Variants in CAST observed in about 807,000 individuals in gnomAD.
CAST encodes MIR583 host.
CAST carries 76 observed loss-of-function variants against 119.6 expected under a neutral mutation model. That is an observed-to-expected ratio of 0.64 (90% confidence interval 0.53 to 0.77). The LOEUF (loss-of-function observed/expected upper bound fraction) is 0.77. CAST is among the 30% of genes least tolerant of loss of function. CAST has a pLI of 0.00. For synonymous variants in CAST, 319 were observed against 331.6 expected (o/e 0.96, Z 0.41); for missense variants, 953 against 946.5 (o/e 1.01, Z -0.09).
At chr5:96,025,481 C>A in the CAST span, among the ~76,000 whole-genome samples, 1 of 152,088 alleles carries the variant, frequency 6.6e-6, no homozygotes, top group Admixed American at 6.6e-5. Context: ...GGGGGGGACA[C>A]AACAATCAGT....
At chr5:96,743,483 A>AT in intron 16 of CAST, 3 of 1,194,000 alleles carry the variant, frequency 2.5e-6, no homozygotes, top group Non-Finnish European at 2.3e-6. Flanking sequence ...CCCCACCTCC[A>AT]TCAGCTCAGG....
At chr5:96,772,270 C>T (rs925065404) in intron 31 of CAST, 2 of 153,618 alleles carry the variant, frequency 1.3e-5, no homozygotes, top group African/African-American at 4.8e-5. Context: ...GAAGGGATTT[C>T]TGAGATCTTC....
the CAST span, among the ~76,000 whole-genome samples, chr5:96,214,314 C>T: frequency 6.6e-6 from 1 of 152,064 alleles, no homozygotes; most frequent in East Asian, 1.9e-4. Context: ...AAGTTACTTA[C>T]CAGCAACTGC....
intron 1 of CAST, among the ~76,000 whole-genome samples, chr5:96,547,837 G>T (rs575634780): frequency 6.6e-6 from 1 of 152,292 alleles, no homozygotes; most frequent in South Asian, 2.1e-4. Context: ...TCAACTATTT[G>T]GGAGGTGGGG....
At chr5:96,560,691 G>T (rs1191138343) in intron 1 of CAST, among the ~76,000 whole-genome samples, 2 of 152,030 alleles carry the variant, frequency 1.3e-5, no homozygotes, top group South Asian at 4.2e-4. Flanking sequence ...TCATTAAAAA[G>T]TCAGGAAACA....
the CAST span, among the ~76,000 whole-genome samples, chr5:96,067,973 A>T: frequency 6.6e-6 from 1 of 152,146 alleles, no homozygotes; most frequent in Admixed American, 6.5e-5. Flanking sequence ...CCAGGAACCC[A>T]CAGCAGCTGA....
chr5:96,076,642 T>C, the CAST span, among the ~76,000 whole-genome samples: 1 of 152,210 alleles, frequency 6.6e-6, no homozygotes, highest in African/African-American at 2.4e-5. Flanking sequence ...TCAGTCTCTG[T>C]AGTTGAAAGC....
chr5:96,308,586 A>G, the CAST span: 1 of 151,906 alleles, frequency 6.6e-6, no homozygotes, highest in Non-Finnish European at 1.5e-5. Flanking sequence ...CCCCATCTTC[A>G]TGGATTTGTC....
chr5:96,446,370 A>G, the CAST span, among the ~76,000 whole-genome samples: 1 of 152,156 alleles, frequency 6.6e-6, no homozygotes, highest in South Asian at 2.1e-4. Context: ...AAGGGATATC[A>G]TGGCCAATTG....
chr5:96,712,352 C>T (rs1018939859), intron 3 of CAST, among the ~76,000 whole-genome samples: 1 of 152,132 alleles, frequency 6.6e-6, no homozygotes, highest in Non-Finnish European at 1.5e-5. Flanking sequence ...GAAACAGGCT[C>T]TTGGGGTCTT....
chr5:96,267,215 T>C, the CAST span, among the ~76,000 whole-genome samples: 1 of 152,174 alleles, frequency 6.6e-6, no homozygotes, highest in African/African-American at 2.4e-5. Context: ...GAATTATTGA[T>C]GTTCAAGAGG....
chr5:96,681,260 T>C (rs1751380766), intron 2 of CAST, among the ~76,000 whole-genome samples: 1 of 152,242 alleles, frequency 6.6e-6, no homozygotes, highest in South Asian at 2.1e-4. Flanking sequence ...TACAAAATTG[T>C]ACAACATCCT....
intron 1 of CAST, among the ~76,000 whole-genome samples, chr5:96,615,452 G>A (rs1051262402): frequency 4.6e-5 from 7 of 152,344 alleles, no homozygotes; most frequent in Middle Eastern, 3.4e-3. Flanking sequence ...GTCTCCCAGA[G>A]TGTGTTCACA....
chr5:96,477,054 C>A, the CAST span, among the ~76,000 whole-genome samples: 1 of 140,920 alleles, frequency 7.1e-6, no homozygotes, highest in African/African-American at 2.7e-5. Context: ...ACTGGTAGAT[C>A]AATGTGCCAA....
chr5:96,585,224 C>T lies in CAST; in HGVS notation c.60+55344C>T, dbSNP rs1242898940. Among the ~76,000 whole-genome samples the T allele has an allele frequency of 2.0e-5, 3 of 152,114 alleles. No individual in the cohort carries two copies. In the East Asian group the frequency reaches 5.8e-4, roughly 29 times the overall value. The stretch of plus-strand genomic sequence containing the variant: ...TTACTGTTTATCTTATATATTATCT[C>T]AGCTTCTTCAGCCCTTCTCCATTCC... On this transcript the variant is annotated intron_variant, in intron 1 of 11. Transcript: ENST00000505143.
chr5:96,048,003 C>T, the CAST span, among the ~76,000 whole-genome samples: 28 of 152,222 alleles, frequency 1.8e-4, no homozygotes, highest in African/African-American at 6.5e-4. Context: ...GAAGGGAGGT[C>T]AAGGTGGCTG....
chr5:96,408,275 A>C, the CAST span: 1 of 1,614,108 alleles, frequency 6.2e-7, no homozygotes, highest in Non-Finnish European at 8.5e-7. Flanking sequence ...GCAGAGGCCG[A>C]GGTGCCTGTG....
At chr5:96,199,481 G>A in the CAST span, among the ~76,000 whole-genome samples, 1 of 152,022 alleles carries the variant, frequency 6.6e-6, no homozygotes. Context: ...GAAGTTGTAG[G>A]TTTACATAGA....
chr5:95,986,705 G>A, the CAST span, among the ~76,000 whole-genome samples: 1 of 152,166 alleles, frequency 6.6e-6, no homozygotes. Flanking sequence ...AAGTGCAAAG[G>A]TTCTGAAGGG....
Sources: gnomAD v4.1 joint callset for allele counts (sites outside exome capture counted in the v4.1 genomes callset) on GRCh38, gnomAD v4.1.1 for gene constraint, MANE v1.5 for transcripts, NCBI Gene and HGNC (gene_info 2026-07-23, HGNC 2026-07-21) for gene names.